KMT2C: variants seen among roughly 807,000 people sequenced by gnomAD.
KMT2C encodes histone-lysine N-methyltransferase 2C.
KMT2C carries 88 observed loss-of-function variants against 507.9 expected under a neutral mutation model. That is an observed-to-expected ratio of 0.17 (90% CI 0.15 to 0.21). The LOEUF (loss-of-function observed/expected upper bound fraction) is 0.21. Among genes scored for constraint, KMT2C ranks in the 10% least tolerant of loss-of-function variants. KMT2C has a pLI of 1.00. For synonymous variants in KMT2C, 2,049 were observed against 2,080.8 expected (o/e 0.98, Z 0.42); for missense variants, 4,954 against 5,957.8 (o/e 0.83, Z 5.55).
chr7:152,386,084 CAAA>C (rs1033044018), intron 1 of KMT2C, among the ~76,000 whole-genome samples: 1 of 122,826 alleles, frequency 8.1e-6, no homozygotes. Context: ...GAGACTCCGT[CAAA>C]AAAAAAAAAT....
Position 152,358,681 on chromosome 7 carries a change from G to GAAAAA in KMT2C, c.162-11_162-7dup. On this transcript the variant is annotated splice_region_variant and splice_polypyrimidine_tract_variant and intron_variant, in intron 1 of 58. Coordinates refer to ENST00000262189, the MANE Select transcript of KMT2C (RefSeq NM_170606.3). ...TTTTCCCCCTACTTCGAGGTCTACA[G>GAAAAA]AAAAAAAAAAAAATAATAAGTACAT... 2 of 1,248,474 alleles carry GAAAAA rather than the reference G, an allele frequency of 1.6e-6. No individual in the cohort carries two copies. The highest frequency in any genetic ancestry group is 2.2e-6 in the Non-Finnish European group (2 of 906,366). 77.3% of individuals were successfully genotyped at this position (1,248,474 alleles called of 1,614,324 possible). A position where few individuals can be genotyped will look rare whatever the true frequency, so the allele number is the denominator to read the frequency against.
At chr7:152,311,771 C>A (rs752047600) in intron 5 of KMT2C, 27 bp downstream of exon 5, 4 of 1,511,236 alleles carry the variant, frequency 2.6e-6, no homozygotes, top group Non-Finnish European at 3.6e-6. Flanking sequence ...AATTAAGAGG[C>A]AGTCATTATT....
At chr7:152,374,006 AATG>A (rs1361360330) in intron 1 of KMT2C, among the ~76,000 whole-genome samples, 13 of 152,088 alleles carry the variant, frequency 8.5e-5, no homozygotes, top group Non-Finnish European at 1.9e-4. Flanking sequence ...GAAATCGAAC[AATG>A]ATATGAAAAA....
intron 1 of KMT2C, among the ~76,000 whole-genome samples, chr7:152,374,064 G>A (rs1472586681): frequency 6.6e-6 from 1 of 152,142 alleles, no homozygotes; most frequent in Non-Finnish European, 1.5e-5. Context: ...TATAATCCCA[G>A]CACTTTGGGA....
At chr7:152,343,248 G>GC (rs1221673634) in intron 2 of KMT2C, among the ~76,000 whole-genome samples, 1 of 152,178 alleles carries the variant, frequency 6.6e-6, no homozygotes, top group Non-Finnish European at 1.5e-5. Flanking sequence ...TAGACAGCAT[G>GC]CAAGAAGACG....
intron 1 of KMT2C, among the ~76,000 whole-genome samples, chr7:152,395,716 C>T (rs1383635611): frequency 6.6e-6 from 1 of 152,118 alleles, no homozygotes; most frequent in African/African-American, 2.4e-5. Flanking sequence ...CCATGTTGGC[C>T]AGGCTGGTCT....
chr7:152,190,676 T>A (rs1325479931), intron 31 of KMT2C, among the ~76,000 whole-genome samples: 1 of 152,194 alleles, frequency 6.6e-6, no homozygotes, highest in Non-Finnish European at 1.5e-5. Context: ...AACTTTTACA[T>A]AAAGGTATTT....
chr7:152,141,712 C>CA (rs1249621681), intron 55 of KMT2C, among the ~76,000 whole-genome samples: 8,344 of 61,702 alleles, frequency 0.14, 792 homozygotes, highest in African/African-American at 0.31. Context: ...GACTCTGTCT[C>CA]AAAAAAAAAA....
chr7:152,290,252 GTATGTGTATA>G (rs1469492517), intron 6 of KMT2C, among the ~76,000 whole-genome samples: 3 of 57,944 alleles, frequency 5.2e-5, no homozygotes, highest in Admixed American at 2.4e-4. Context: ...GTGTGTGTGT[GTATGTGTATA>G]TATATATATA....
At chr7:152,206,607 G>T (rs2094315451) in intron 24 of KMT2C, among the ~76,000 whole-genome samples, 1 of 151,992 alleles carries the variant, frequency 6.6e-6, no homozygotes, top group Admixed American at 6.6e-5. Flanking sequence ...TGGTAAACAA[G>T]ATATTAATAA....
rs565223566 is a variant in KMT2C at position 152,170,209 on chromosome 7, T to TA, written c.9454-961dup. Among the ~76,000 whole-genome samples, 114 of 152,328 alleles carry TA rather than the reference T, an allele frequency of 7.5e-4. 7 individuals carry two copies. In the South Asian group the frequency reaches 0.024, roughly 32 times the overall value. On this transcript the variant is annotated intron_variant, in intron 40 of 58. Coordinates refer to ENST00000262189, the MANE Select transcript of KMT2C (RefSeq NM_170606.3). ...TAATTTCTTTAAAAAAACTCAGCTATAAAGGCTATGCTTTTCCCATTATAT... is the reference window on the plus strand; with the variant it reads ...TAATTTCTTTAAAAAAACTCAGCTATAAAAGGCTATGCTTTTCCCATTATAT...
At chr7:152,417,542 CCAA>C (rs1255872386) in intron 1 of KMT2C, among the ~76,000 whole-genome samples, 1 of 152,150 alleles carries the variant, frequency 6.6e-6, no homozygotes, top group Admixed American at 6.6e-5. Context: ...TATACAAAGT[CCAA>C]CAACTAGAAA....
chr7:152,266,796 G>T (rs185516296), intron 7 of KMT2C, among the ~76,000 whole-genome samples: 2 of 152,192 alleles, frequency 1.3e-5, no homozygotes, highest in East Asian at 1.9e-4. Context: ...ATAATTCCTC[G>T]CTTGAGGGCA....
intron 28 of KMT2C, 128 bp from the exon 29 acceptor site, chr7:152,194,696 GA>G: frequency 3.3e-6 from 2 of 603,410 alleles, no homozygotes; most frequent in Non-Finnish European, 5.3e-6. Flanking sequence ...CTGTAATTCT[GA>G]ATCAGAATTC....
intron 16 of KMT2C, among the ~76,000 whole-genome samples, chr7:152,230,746 T>A (rs1166315340): frequency 6.6e-6 from 1 of 152,206 alleles, no homozygotes; most frequent in Non-Finnish European, 1.5e-5. Context: ...ACATATTACG[T>A]GTTGAAATGG....
At chr7:152,322,619 A>G (rs1263784394) in intron 3 of KMT2C, among the ~76,000 whole-genome samples, 2 of 152,034 alleles carry the variant, frequency 1.3e-5, no homozygotes, top group African/African-American at 4.8e-5. Context: ...AGAATAAAAC[A>G]TAGGGAGAAA....
intron 9 of KMT2C, among the ~76,000 whole-genome samples, chr7:152,254,148 G>A (rs1304396232): frequency 1.3e-5 from 2 of 152,032 alleles, no homozygotes; most frequent in Non-Finnish European, 2.9e-5. Flanking sequence ...GGGCACGGTG[G>A]CACAGAACTG....
At chr7:152,423,335 G>A (rs549261106) in intron 1 of KMT2C, among the ~76,000 whole-genome samples, 7 of 152,278 alleles carry the variant, frequency 4.6e-5, no homozygotes, top group Admixed American at 3.3e-4. Context: ...GCGAGACTCT[G>A]TCTCAGAAAA....
chr7:152,422,840 G>A (rs533046109), intron 1 of KMT2C, among the ~76,000 whole-genome samples: 2 of 151,730 alleles, frequency 1.3e-5, no homozygotes, highest in East Asian at 1.9e-4. Context: ...TGGCTAACAC[G>A]GTGAAACCCC....
Sources: allele counts gnomAD v4.1 joint callset (sites outside exome capture counted in the v4.1 genomes callset), GRCh38; gene constraint gnomAD v4.1.1; transcripts MANE v1.5; gene names NCBI Gene and HGNC (gene_info 2026-07-23, HGNC 2026-07-21).